The following ACOX3 variants were observed in gnomAD, a reference collection of about 807,000 sequenced individuals.
ACOX3 encodes the protein acyl-CoA oxidase 3, pristanoyl.
In ACOX3, 73 loss-of-function variants were observed where a neutral mutation model predicts 81.5. The ratio of observed to expected loss-of-function variants is 0.90; its 90% CI spans 0.74 to 1.09. The LOEUF is 1.09. Ranked by LOEUF, ACOX3 falls within the 50% of genes least tolerant of loss-of-function variation. The pLI is 0.00. For missense variants in ACOX3, 947 were observed against 928.0 expected, an observed-to-expected ratio of 1.02 and a Z score of -0.27; for synonymous variants, 387 against 375.1, an observed-to-expected ratio of 1.03 and a Z score of -0.37.
intron 7 of ACOX3, among the ~76,000 whole-genome samples, chr4:8,401,620 G>C (rs1238803591): frequency 6.6e-6 from 1 of 152,216 alleles, no homozygotes; most frequent in Non-Finnish European, 1.5e-5. Context: ...TTTCCCAAAG[G>C]CCTTCGGAAT....
At chr4:8,379,152 T>C (rs1717333175) in intron 14 of ACOX3, among the ~76,000 whole-genome samples, 1 of 152,258 alleles carries the variant, frequency 6.6e-6, no homozygotes, top group African/African-American at 2.4e-5. Context: ...GCAGAAATGC[T>C]GAACCTTTAT....
chr4:8,435,624 C>G (rs1213942429), intron 1 of ACOX3, among the ~76,000 whole-genome samples: 1 of 152,344 alleles, frequency 6.6e-6, no homozygotes, highest in East Asian at 1.9e-4. Context: ...GCCAGTGGAC[C>G]TAGATCAATT....
intron 17 of ACOX3, among the ~76,000 whole-genome samples, chr4:8,367,416 G>A (rs1396350502): frequency 6.6e-6 from 1 of 152,132 alleles, no homozygotes; most frequent in Non-Finnish European, 1.5e-5. Context: ...CTGGGAGGTA[G>A]AGGTTTCAGT....
rs1464655317 is a variant in ACOX3 at position 8,423,890 on chromosome 4, A to G, written c.-14-7355T>C. Among the ~76,000 whole-genome samples, 1 of 152,222 alleles carries G rather than the reference A, an allele frequency of 6.6e-6. No homozygotes were observed. The highest frequency in any genetic ancestry group is 1.5e-5 in the Non-Finnish European group (1 of 68,046). ...CAGGCATTAGCCCGAGACTTGAGCCAGTTCTCATACTTGGGCACTCTTGTC... is the reference window on the plus strand; with the variant it reads ...CAGGCATTAGCCCGAGACTTGAGCCGGTTCTCATACTTGGGCACTCTTGTC... On this transcript the variant is annotated intron_variant, in intron 1 of 17. Transcript: ENST00000356406. The surrounding 1 kb of genome is among the most constrained non-coding windows in gnomAD (Gnocchi z 4.2).
At chr4:8,410,016 A>G (rs556085558) in intron 6 of ACOX3, among the ~76,000 whole-genome samples, 196 bp downstream of exon 6, 9 of 137,136 alleles carry the variant, frequency 6.6e-5, no homozygotes, top group African/African-American at 2.5e-4. Context: ...AGGGCTGTGG[A>G]ATGCACTGTG....
chr4:8,363,824 C>G (rs1043041187), downstream of ACOX3, among the ~76,000 whole-genome samples: 1 of 152,162 alleles, frequency 6.6e-6, no homozygotes, highest in Non-Finnish European at 1.5e-5. Context: ...CACTGCTACA[C>G]TCCCACCAGC....
rs994051261 is a variant in ACOX3, at chr4:8,405,225, G to C, written c.776+730C>G. 6.6e-6 allele frequency among the ~76,000 whole-genome samples: 1 copy of C among 152,094 alleles called. No homozygotes were observed. Among genetic ancestry groups the C allele is most frequent in the Non-Finnish European group, 1.5e-5 (1 of 68,016 alleles). On this transcript the variant is annotated intron_variant, in intron 7 of 17. Coordinates refer to ENST00000356406, the MANE Select transcript of ACOX3 (RefSeq NM_003501.3). This position sits in a 1 kb window ranked among gnomAD's most constrained non-coding sequence, Gnocchi z 7.1. The stretch of plus-strand genomic sequence containing the variant: ...CCTTGCGGCCTGGCCTCCCTACCCC[G>C]CCTGCATCCCAGCACAGGCCTGGGC...
the ACOX3 span, chr4:8,357,686 C>T: frequency 7.6e-6 from 2 of 262,224 alleles, no homozygotes; most frequent in East Asian, 9.3e-5. Flanking sequence ...ACACCTCAAC[C>T]TACTCCACTC....
rs372380982 is a variant in ACOX3 at position 8,414,885 on chromosome 4, A to T, written c.422T>A (p.Leu141His). The T allele has an allele frequency of 7.4e-6, 12 of 1,614,136 alleles. No homozygotes were observed. The highest frequency in any genetic ancestry group is 5.3e-5 in the African/African-American group (4 of 74,948). The change falls in exon 4 of 18, where the codon CTC (leucine) becomes CAC (histidine). Residue 141 changes from leucine (L) to histidine (H), a missense_variant. By Grantham distance (99) the Leu-to-His change is moderately conservative. Coordinates refer to ENST00000356406, the MANE Select transcript of ACOX3 (RefSeq NM_003501.3). This position sits in a 1 kb window ranked among gnomAD's most constrained non-coding sequence, Gnocchi z 6.1. ...CCTGAAGATCTTTTGAATATATGTG[A>T]GATGTCTTTCAGAACCAGAACTGTA... ...AVYSSGSERH[L>H]TYIQKIFRME...
chr4:8,361,807 G>A (rs1344814150), downstream of ACOX3, among the ~76,000 whole-genome samples: 1 of 152,184 alleles, frequency 6.6e-6, no homozygotes, highest in Non-Finnish European at 1.5e-5. Flanking sequence ...CAAGAGTGAC[G>A]TTTGGCTTAT....
rs1360590759 is a variant in ACOX3, at chr4:8,406,642, A to G, written c.688-599T>C. On this transcript the variant is annotated intron_variant, in intron 6 of 17. Coordinates refer to ENST00000356406, the MANE Select transcript of ACOX3 (RefSeq NM_003501.3). The surrounding 1 kb of genome is among the most constrained non-coding windows in gnomAD (Gnocchi z 5.6). ...CATCTCCAATGATAGGTAAGACCAC[A>G]TGGGTCACATGTCCACTGGACAGGG... Among the ~76,000 whole-genome samples the G allele has an allele frequency of 6.6e-6, 1 of 152,118 alleles. No individual in the cohort carries two copies. Among genetic ancestry groups the G allele is most frequent in the African/African-American group, 2.4e-5 (1 of 41,402 alleles).
At chr4:8,428,234 C>G (rs1175175128) in intron 1 of ACOX3, 1 of 152,424 alleles carries the variant, frequency 6.6e-6, no homozygotes, top group South Asian at 2.1e-4. Context: ...CCCACACCCC[C>G]GGGCCTGGCA....
intron 1 of ACOX3, among the ~76,000 whole-genome samples, chr4:8,440,008 T>G (rs996580342): frequency 6.7e-6 from 1 of 150,242 alleles, no homozygotes; most frequent in Non-Finnish European, 1.5e-5. Context: ...AAAAAAATAA[T>G]AATAATAACA....
In ACOX3 at chr4:8,407,650, A is replaced by G. The variant is rs1721146229; in HGVS notation, c.688-1607T>C. 6.6e-6 allele frequency among the ~76,000 whole-genome samples: 1 copy of G among 152,248 alleles called. No homozygotes were observed. The highest frequency in any genetic ancestry group is 1.5e-5 in the Non-Finnish European group (1 of 68,048). On this transcript the variant is annotated intron_variant, in intron 6 of 17. Transcript: ENST00000356406. The surrounding 1 kb of genome is among the most constrained non-coding windows in gnomAD (Gnocchi z 4.6). ...AATTTCATATTCACGTTTTAGACAC[A>G]GGACTCCCTGCTAGATTTTAGTAAA...
rs147193447 is a variant in ACOX3 at position 8,416,385 on chromosome 4, C to A, written c.137G>T (p.Arg46Leu). 2 of 1,614,074 alleles carry A rather than the reference C, an allele frequency of 1.2e-6. No individual in the cohort carries two copies. The highest frequency in any genetic ancestry group is 1.7e-6 in the Non-Finnish European group (2 of 1,180,050). The change falls in exon 2 of 18, where the codon CGC becomes CTC. Residue 46 changes from arginine (R) to leucine (L), a missense_variant. By Grantham distance (102) the Arg-to-Leu change is moderately radical (BLOSUM62 -2). Coordinates refer to ENST00000356406, the MANE Select transcript of ACOX3 (RefSeq NM_003501.3). The surrounding 1 kb of genome is among the most constrained non-coding windows in gnomAD (Gnocchi z 4.2). ...CACAACCGCACGCCTCACCTTAAAG[C>A]GGAGCATGCCCTCCCCTTCCGTGAA... is the stretch of plus-strand genomic sequence containing the variant. The part of the protein sequence containing the change: ...ALFTEGEGML[R>L]FKKTIFSALE...
At chr4:8,383,176 G>A (rs1717909671) in intron 13 of ACOX3, among the ~76,000 whole-genome samples, 1 of 152,184 alleles carries the variant, frequency 6.6e-6, no homozygotes, top group African/African-American at 2.4e-5. Context: ...GCTCCCCAGA[G>A]GGAGTGGGAT....
At chr4:8,355,956 T>A in the ACOX3 span, 1 of 162,492 alleles carries the variant, frequency 6.2e-6, no homozygotes, top group Non-Finnish European at 1.4e-5. Flanking sequence ...GTAGGGGCAA[T>A]AAGAAGGAAA....
At position 8,430,837 on chromosome 4, in the gene ACOX3, CAA is replaced by C. The variant is rs1723912918; in HGVS notation, c.-15+9809_-15+9810del. On this transcript the variant is annotated intron_variant, in intron 1 of 17. Coordinates refer to ENST00000356406, the MANE Select transcript of ACOX3 (RefSeq NM_003501.3). The surrounding 1 kb of genome is among the most constrained non-coding windows in gnomAD (Gnocchi z 5.2). ...CACCATTGCACTCCAGCCTGGGTGA[CAA>C]GAGTGAAACTCCATCTCAAAAAATA... Among the ~76,000 whole-genome samples the C allele has an allele frequency of 6.6e-6, 1 of 152,126 alleles. No homozygotes were observed. The highest frequency in any genetic ancestry group is 6.5e-5 in the Admixed American group (1 of 15,276).
chr4:8,423,345 T>G lies in ACOX3; in HGVS notation c.-14-6810A>C, dbSNP rs1723148794. Among the ~76,000 whole-genome samples, 1 of 152,106 alleles carries G rather than the reference T, an allele frequency of 6.6e-6. No homozygotes were observed. Among genetic ancestry groups the G allele is most frequent in the Non-Finnish European group, 1.5e-5 (1 of 68,030 alleles). On this transcript the variant is annotated intron_variant, in intron 1 of 17. Coordinates refer to ENST00000356406, the MANE Select transcript of ACOX3 (RefSeq NM_003501.3). The surrounding 1 kb of genome is among the most constrained non-coding windows in gnomAD (Gnocchi z 4.2). Reference sequence around the variant, plus strand: ...GGAACACCGTTTGCTGTCCCCTACTTGAGGAAGGAATTAATCCTGAAGTCT... The same window carrying G: ...GGAACACCGTTTGCTGTCCCCTACTGGAGGAAGGAATTAATCCTGAAGTCT...
Sources: allele counts gnomAD v4.1 joint callset (sites outside exome capture counted in the v4.1 genomes callset), GRCh38; gene constraint gnomAD v4.1.1; non-coding constraint Gnocchi (gnomAD v3.1); transcripts MANE v1.5; gene names NCBI Gene and HGNC (gene_info 2026-07-23, HGNC 2026-07-21).